Variants in ADGRL3 observed in about 807,000 individuals in gnomAD.
The protein encoded by ADGRL3 is adhesion G protein-coupled receptor L3, also known as calcium-independent alpha-latrotoxin receptor 3.
A neutral mutation model predicts 153.5 loss-of-function variants in ADGRL3; 62 were observed. The ratio of observed to expected loss-of-function variants is 0.40; its 90% CI spans 0.33 to 0.50. The LOEUF (loss-of-function observed/expected upper bound fraction) is 0.50, where lower values mean the gene tolerates loss of function less well. ADGRL3 is among the 20% of genes least tolerant of loss of function. The probability of loss-of-function intolerance (pLI) is 0.47; values close to 1 mark genes in which losing one functional copy is unlikely to be tolerated. For synonymous variants in ADGRL3, 710 were observed against 672.5 expected (o/e 1.06, Z -0.86); for missense variants, 1,641 against 1,859.4 (o/e 0.88, Z 2.16).
At chr4:61,207,435 A>T (rs1265177997) in intron 1 of ADGRL3, among the ~76,000 whole-genome samples, 1 of 152,000 alleles carries the variant, frequency 6.6e-6, no homozygotes, top group Non-Finnish European at 1.5e-5. Context: ...CATTTTCTTT[A>T]TCCAGTCTAT....
intron 2 of ADGRL3, among the ~76,000 whole-genome samples, chr4:61,469,212 T>C (rs984454062): frequency 6.6e-6 from 1 of 152,072 alleles, no homozygotes; most frequent in Non-Finnish European, 1.5e-5. Flanking sequence ...GATTGCTCTT[T>C]TGCCTTTAGG....
intron 4 of ADGRL3, among the ~76,000 whole-genome samples, chr4:61,535,016 G>C (rs1254430576): frequency 6.6e-6 from 1 of 151,912 alleles, no homozygotes; most frequent in Non-Finnish European, 1.5e-5. Flanking sequence ...TCTTTTTTGA[G>C]TTTTTAGGGG....
intron 9 of ADGRL3, among the ~76,000 whole-genome samples, chr4:61,830,955 C>G (rs2097861358): frequency 6.6e-6 from 1 of 152,156 alleles, no homozygotes; most frequent in Admixed American, 6.5e-5. Context: ...GTGGCGCCAT[C>G]TTGGTTCACT....
chr4:61,852,230 A>G (rs546573099), intron 9 of ADGRL3, among the ~76,000 whole-genome samples: 1 of 152,210 alleles, frequency 6.6e-6, no homozygotes, highest in Non-Finnish European at 1.5e-5. Context: ...TATTTAGTAA[A>G]ATAAAAAACT....
intron 4 of ADGRL3, among the ~76,000 whole-genome samples, chr4:61,538,975 T>C (rs1048089401): frequency 2.6e-5 from 4 of 152,172 alleles, no homozygotes; most frequent in Non-Finnish European, 5.9e-5. Flanking sequence ...ATCCCTGTCA[T>C]AGGGATCATG....
chr4:61,788,980 A>G (rs1268151076), intron 8 of ADGRL3, among the ~76,000 whole-genome samples: 1 of 152,186 alleles, frequency 6.6e-6, no homozygotes, highest in Non-Finnish European at 1.5e-5. Flanking sequence ...GGAATCTTAA[A>G]TCAAGTCTCA....
intron 2 of ADGRL3, among the ~76,000 whole-genome samples, chr4:61,475,987 C>T (rs555507803): frequency 1.3e-5 from 2 of 152,124 alleles, no homozygotes; most frequent in Non-Finnish European, 2.9e-5. Flanking sequence ...ATTAGCAGCA[C>T]TACAGTCTAT....
chr4:61,996,758 A>T (rs891805792), intron 20 of ADGRL3, among the ~76,000 whole-genome samples: 1 of 152,140 alleles, frequency 6.6e-6, no homozygotes, highest in African/African-American at 2.4e-5. Flanking sequence ...GACTGTTCCT[A>T]TCAGCTTTGT....
chr4:61,923,211 A>AT (rs941303732), intron 13 of ADGRL3, among the ~76,000 whole-genome samples: 1 of 152,090 alleles, frequency 6.6e-6, no homozygotes, highest in Non-Finnish European at 1.5e-5. Context: ...GTCATGACAT[A>AT]TTTTTTGCAA....
chr4:62,029,586 A>G (rs1418937156), intron 22 of ADGRL3, among the ~76,000 whole-genome samples: 2 of 151,816 alleles, frequency 1.3e-5, no homozygotes, highest in East Asian at 3.9e-4. Context: ...TAAGATTGGT[A>G]ACCTATGGGC....
At chr4:61,499,090 A>G (rs774386300) in intron 3 of ADGRL3, among the ~76,000 whole-genome samples, 4 of 152,190 alleles carry the variant, frequency 2.6e-5, no homozygotes, top group South Asian at 2.1e-4. Flanking sequence ...ACAGAAACCC[A>G]TTGTAGTTCG....
At chr4:61,544,112 A>G (rs1237975160) in intron 4 of ADGRL3, among the ~76,000 whole-genome samples, 1 of 152,202 alleles carries the variant, frequency 6.6e-6, no homozygotes, top group Non-Finnish European at 1.5e-5. Context: ...TATATTTAGG[A>G]GTAGATTATA....
At chr4:61,685,143 C>A (rs1049426842) in intron 6 of ADGRL3, among the ~76,000 whole-genome samples, 3 of 151,986 alleles carry the variant, frequency 2.0e-5, no homozygotes, top group African/African-American at 7.2e-5. Context: ...GTCTCAAACT[C>A]CTGGGCTCAA....
chr4:61,610,755 G>A (rs1044385556), intron 5 of ADGRL3, among the ~76,000 whole-genome samples: 3 of 151,398 alleles, frequency 2.0e-5, no homozygotes, highest in African/African-American at 7.3e-5. Context: ...GACTTTAATC[G>A]TGGCAAACAG....
At position 61,971,520 on chromosome 4, in the gene ADGRL3, G is replaced by T. The variant is rs867335739; in HGVS notation, c.2806-8043G>T. On this transcript the variant is annotated intron_variant, in intron 17 of 26. Coordinates refer to ENST00000683033, the MANE Select transcript of ADGRL3 (RefSeq NM_001387552.1). ...TTTTATGGCTGCATAGTATTCCATG[G>T]TATATATGTGCCACATTTTCTTAAT... Among the ~76,000 whole-genome samples the T allele has an allele frequency of 5.3e-5, 8 of 152,192 alleles. No individual in the cohort carries two copies. In the South Asian group the frequency reaches 1.0e-3, roughly 20 times the overall value.
intron 1 of ADGRL3, among the ~76,000 whole-genome samples, chr4:61,240,164 C>T (rs1035277240): frequency 1.3e-5 from 2 of 152,020 alleles, no homozygotes; most frequent in Admixed American, 6.6e-5. Context: ...GTTGCTGCAT[C>T]CTTGCATGGC....
chr4:61,651,694 G>A (rs991791028), intron 5 of ADGRL3, among the ~76,000 whole-genome samples: 3 of 150,930 alleles, frequency 2.0e-5, no homozygotes, highest in Admixed American at 2.0e-4. Flanking sequence ...TGCAACCCCC[G>A]CCTCCTGTGT....
chr4:61,844,072 G>C (rs541623749), intron 9 of ADGRL3, among the ~76,000 whole-genome samples: 2 of 150,900 alleles, frequency 1.3e-5, no homozygotes, highest in Non-Finnish European at 3.0e-5. Context: ...CATTCACAGG[G>C]GTCTTGCCTG....
chr4:61,207,582 T>C (rs913308258), intron 1 of ADGRL3, among the ~76,000 whole-genome samples: 1 of 152,180 alleles, frequency 6.6e-6, no homozygotes, highest in Non-Finnish European at 1.5e-5. Context: ...GATTGCTGGG[T>C]CAAATGGTAC....
Sources: gnomAD v4.1 joint callset for allele counts (sites outside exome capture counted in the v4.1 genomes callset) on GRCh38, gnomAD v4.1.1 for gene constraint, MANE v1.5 for transcripts, NCBI Gene and HGNC (gene_info 2026-07-23, HGNC 2026-07-21) for gene names.